ZNF106: variants seen among roughly 807,000 people sequenced by gnomAD.
The protein encoded by ZNF106 is zinc finger protein 106, also known as SH3-domain binding protein 3.
In ZNF106, 67 loss-of-function variants were observed where a neutral mutation model predicts 195.1. The ratio of observed to expected loss-of-function variants is 0.34; its 90% CI spans 0.28 to 0.42. ZNF106 has a LOEUF of 0.42. Among genes scored for constraint, ZNF106 ranks in the 10% least tolerant of loss-of-function variants. ZNF106 has a pLI of 1.00. For missense variants in ZNF106, 2,118 were observed against 2,304.5 expected, an observed-to-expected ratio of 0.92 and a Z score of 1.66; for synonymous variants, 784 against 818.6, an observed-to-expected ratio of 0.96 and a Z score of 0.72.
intron 15 of ZNF106, 37 bp downstream of exon 15, chr15:42,427,981 G>T: frequency 1.3e-6 from 2 of 1,546,294 alleles, no homozygotes; most frequent in Non-Finnish European, 8.9e-7. Flanking sequence ...GTTTTCAAGT[G>T]CATGGGAAGT....
At chr15:42,457,437 C>T in intron 3 of ZNF106, 1 of 1,311,176 alleles carries the variant, frequency 7.6e-7, no homozygotes, top group Non-Finnish European at 9.7e-7. Flanking sequence ...TACTTAAAAT[C>T]TTGTCAGAGG....
intron 21 of ZNF106, 127 bp from the exon 22 acceptor site, chr15:42,417,487 A>C: frequency 9.2e-7 from 1 of 1,091,000 alleles, no homozygotes; most frequent in Non-Finnish European, 1.3e-6. Context: ...GTTAGGAGCC[A>C]GCACTTTGCT....
At chr15:42,460,006 GC>G (rs2141386929) in intron 3 of ZNF106, among the ~76,000 whole-genome samples, 1 of 150,678 alleles carries the variant, frequency 6.6e-6, no homozygotes, top group Non-Finnish European at 1.5e-5. Flanking sequence ...TCACTCCACT[GC>G]ACTCCAGCCT....
chr15:42,420,568 G>T (rs2141257134), intron 20 of ZNF106, among the ~76,000 whole-genome samples: 1 of 152,174 alleles, frequency 6.6e-6, no homozygotes, highest in African/African-American at 2.4e-5. Flanking sequence ...TTAGGGAAAA[G>T]CTACCATTGT....
At chr15:42,468,107 G>T (rs1361372510) in intron 2 of ZNF106, among the ~76,000 whole-genome samples, 1 of 123,756 alleles carries the variant, frequency 8.1e-6, no homozygotes, top group Non-Finnish European at 1.6e-5. Flanking sequence ...ACGGAGTCTC[G>T]CTCTATCGCC....
intron 3 of ZNF106, among the ~76,000 whole-genome samples, chr15:42,465,166 G>C (rs2056486850): frequency 6.6e-6 from 1 of 152,144 alleles, no homozygotes; most frequent in Admixed American, 6.5e-5. Context: ...TTTCCAAAAT[G>C]CTCGGATTAC....
chr15:42,486,798 A>G (rs1233295448), intron 1 of ZNF106, among the ~76,000 whole-genome samples: 1 of 152,104 alleles, frequency 6.6e-6, no homozygotes, highest in East Asian at 1.9e-4. Context: ...TTATATATAT[A>G]TATGTCAAGG....
In ZNF106 at chr15:42,446,629, A is replaced by C; in HGVS notation, c.3165T>G (p.Leu1055=). ...TTTTCCTTCTTTTATTTTTTCTCTC[A>C]AGACTTGGGAGTTCAGGAGAAGATC... ...GDGSSPELPS[L]ERKNKRRKIK... The change falls in exon 7 of 22, where the codon CTT becomes CTG. Residue 1055 remains leucine, a synonymous_variant. Coordinates refer to ENST00000564754, the MANE Select transcript of ZNF106 (RefSeq NM_001366845.3). 6.2e-7 allele frequency: 1 copy of C among 1,605,036 alleles called. No homozygotes were observed.
At position 42,438,683 on chromosome 15, in the gene ZNF106, A is replaced by G. The variant is rs759934460; in HGVS notation, c.4545-16T>C. ...TTCTGCCACACTACAAAATAATAGC[A>G]AAAGTGTTCTCAGCATCTGTGTGAA... On this transcript the variant is annotated splice_polypyrimidine_tract_variant and intron_variant, in intron 11 of 21. Transcript: ENST00000564754. 1 of 1,612,518 alleles carries G rather than the reference A, an allele frequency of 6.2e-7. No homozygotes were observed. Among genetic ancestry groups the G allele is most frequent in the East Asian group, 2.2e-5 (1 of 44,838 alleles).
chr15:42,448,101 T>C lies in ZNF106; in HGVS notation c.3106A>G (p.Ser1036Gly). ...TSGAEQNDGQSIRKKRRATGD... is the reference protein window; with the variant it reads ...TSGAEQNDGQGIRKKRRATGD... ...GTGGCTCTTCGTTTCTTTCTAATAC[T>C]TTGGCCATCATTTTGTTCAGCACCA... is the stretch of plus-strand genomic sequence containing the variant. The change falls in exon 6 of 22, where the codon AGT (serine) becomes GGT (glycine). Residue 1036 changes from serine to glycine, a missense_variant. Coordinates refer to ENST00000564754, the MANE Select transcript of ZNF106 (RefSeq NM_001366845.3). 1 of 1,613,752 alleles carries C rather than the reference T, an allele frequency of 6.2e-7. No homozygotes were observed. Among genetic ancestry groups the C allele is most frequent in the South Asian group, 1.1e-5 (1 of 91,060 alleles).
At chr15:42,489,782 TC>T (rs1039839960) in intron 1 of ZNF106, among the ~76,000 whole-genome samples, 62 of 151,208 alleles carry the variant, frequency 4.1e-4, no homozygotes, top group African/African-American at 1.5e-3. Flanking sequence ...AAGCCTGTAA[TC>T]CCAGCACTTT....
chr15:42,444,489 T>C (rs1271716088), intron 8 of ZNF106, among the ~76,000 whole-genome samples: 1 of 152,186 alleles, frequency 6.6e-6, no homozygotes, highest in Non-Finnish European at 1.5e-5. Context: ...CTGAAAGAAA[T>C]TGGCCCTGGC....
chr15:42,437,948 G>A (rs188595606), intron 12 of ZNF106, among the ~76,000 whole-genome samples: 62 of 151,520 alleles, frequency 4.1e-4, no homozygotes, highest in African/African-American at 1.4e-3. Context: ...ATACTTGGAA[G>A]GTATCCAATC....
chr15:42,478,427 G>A (rs1470914602), intron 1 of ZNF106, among the ~76,000 whole-genome samples: 1 of 151,202 alleles, frequency 6.6e-6, no homozygotes, highest in African/African-American at 2.4e-5. Flanking sequence ...CTCCCAAAGT[G>A]TTGGGATTAC....
At chr15:42,470,651 C>A (rs2056645936) in intron 2 of ZNF106, among the ~76,000 whole-genome samples, 1 of 152,036 alleles carries the variant, frequency 6.6e-6, no homozygotes, top group Admixed American at 6.6e-5. Flanking sequence ...ACCAGAGTAG[C>A]AGAGCCAGAA....
In ZNF106 at chr15:42,424,072, A is replaced by C; in HGVS notation, c.5191-12T>G. 14 of 1,610,816 alleles carry C rather than the reference A, an allele frequency of 8.7e-6. No individual in the cohort carries two copies. Among genetic ancestry groups the C allele is most frequent in the Non-Finnish European group, 1.2e-5 (14 of 1,178,932 alleles). On this transcript the variant is annotated splice_polypyrimidine_tract_variant and intron_variant, in intron 16 of 21. Transcript: ENST00000564754. ...AGATCATTCACCACCTTAAAGAAAA[A>C]ATTAAACAAGTCAGATTCTGTATAC...
chr15:42,457,324 A>G, intron 3 of ZNF106, 166 bp from the exon 4 acceptor site: 1 of 1,479,992 alleles, frequency 6.8e-7, no homozygotes, highest in Non-Finnish European at 8.9e-7. Context: ...AAGTTTGTTT[A>G]TAAGTTACTT....
rs1243430303 is a variant in ZNF106, at chr15:42,450,195, A to G, written c.2077T>C (p.Leu693=). 5 of 1,614,094 alleles carry G rather than the reference A, an allele frequency of 3.1e-6. No homozygotes were observed. The African/African-American group carries it at 6.7e-5, about 22-fold the overall frequency. The stretch of plus-strand genomic sequence containing the variant: ...TGTGCATCTTCTAGAGAGGTTTTCA[A>G]GTCTAGCAATAAGCCAGGGTGTGGA... ...ASPHPGLLLD[L]KTSLEDAQVD... is the part of the protein sequence containing the mutation. Residue 693 remains leucine (L), a synonymous_variant, in exon 5 of 22, where the codon TTG becomes CTG. Coordinates refer to ENST00000564754, the MANE Select transcript of ZNF106 (RefSeq NM_001366845.3).
intron 4 of ZNF106, among the ~76,000 whole-genome samples, chr15:42,454,758 T>C (rs1348086035): frequency 6.6e-6 from 1 of 151,190 alleles, no homozygotes; most frequent in African/African-American, 2.4e-5. Flanking sequence ...TAGCCACGCA[T>C]GGTGGCGATG....
Sources: gnomAD v4.1 joint callset for allele counts (sites outside exome capture counted in the v4.1 genomes callset) on GRCh38, gnomAD v4.1.1 for gene constraint, MANE v1.5 for transcripts, NCBI Gene and HGNC (gene_info 2026-07-23, HGNC 2026-07-21) for gene names.